The following PYM1 variants were observed in gnomAD, a reference collection of about 807,000 sequenced individuals.
PYM1 encodes PYM1 exon junction complex associated factor, also known as partner of Y14 and mago.
In PYM1, 7 loss-of-function variants were observed where a neutral mutation model predicts 20.7. The ratio of observed to expected loss-of-function variants is 0.34; its 90% CI spans 0.19 to 0.64. PYM1 has a LOEUF of 0.64. Among genes scored for constraint, PYM1 ranks in the 30% least tolerant of loss-of-function variants. PYM1 has a pLI of 0.74. For missense variants in PYM1, 194 were observed against 250.0 expected (o/e 0.78, Z 1.51); for synonymous variants, 100 against 99.2 (o/e 1.01, Z -0.05).
intron 1 of PYM1, among the ~76,000 whole-genome samples, chr12:55,905,481 C>T (rs1882779512): frequency 1.3e-5 from 2 of 150,698 alleles, no homozygotes; most frequent in South Asian, 4.2e-4. Context: ...GCGGGCGGAT[C>T]ATCTGAGGTC....
At chr12:55,927,435 G>C (rs1031491839) in intron 1 of PYM1, 1 of 706,952 alleles carries the variant, frequency 1.4e-6, no homozygotes, top group Admixed American at 2.1e-5. Flanking sequence ...GAGGGAAAAG[G>C]GCGCAAGGCC....
intron 1 of PYM1, among the ~76,000 whole-genome samples, chr12:55,926,506 C>G (rs1423496770): frequency 6.6e-6 from 1 of 152,170 alleles, no homozygotes; most frequent in Non-Finnish European, 1.5e-5. Context: ...AAGGGTGGCT[C>G]CATCAGGGAG....
rs80137443 is a variant in PYM1, at chr12:55,914,325, G to A, written c.38-10845C>T. On this transcript the variant is annotated intron_variant, in intron 1 of 2. Coordinates refer to ENST00000408946, the MANE Select transcript of PYM1 (RefSeq NM_032345.3). ...TCCTCTGGCCTTGATGGTATCCAAG[G>A]GTGAAGTCAAAAAGAAGGGAGAGGT... is the stretch of plus-strand genomic sequence containing the variant. 195 of 702,208 alleles carry A rather than the reference G, an allele frequency of 2.8e-4. 1 individual carries two copies. The African/African-American group carries it at 2.8e-3, about 10-fold the overall frequency. The allele number at this position is 702,208 out of a possible 1,614,324, so 43.5% of individuals were successfully genotyped here. A position where few individuals can be genotyped will look rare whatever the true frequency, so the allele number is the denominator to read the frequency against.
At chr12:55,926,305 C>A (rs1019411209) in intron 1 of PYM1, among the ~76,000 whole-genome samples, 1 of 152,214 alleles carries the variant, frequency 6.6e-6, no homozygotes, top group African/African-American at 2.4e-5. Context: ...CCAACACATA[C>A]ACCTTACATA....
intron 1 of PYM1, among the ~76,000 whole-genome samples, chr12:55,925,536 G>GA (rs1442660451): frequency 1.3e-5 from 2 of 151,984 alleles, no homozygotes; most frequent in Non-Finnish European, 2.9e-5. Context: ...ATGATAGCAA[G>GA]AAAAAAAGGA....
intron 1 of PYM1, among the ~76,000 whole-genome samples, chr12:55,916,574 G>A (rs968376740): frequency 2.0e-5 from 3 of 152,064 alleles, no homozygotes; most frequent in Admixed American, 1.3e-4. Flanking sequence ...GAGGCGGGCG[G>A]ATCACCTGAG....
chr12:55,915,921 G>A (rs1052110920), intron 1 of PYM1, among the ~76,000 whole-genome samples: 6 of 152,222 alleles, frequency 3.9e-5, no homozygotes, highest in Non-Finnish European at 8.8e-5. Flanking sequence ...GATTAGTAAA[G>A]AGTATTTATT....
intron 1 of PYM1, among the ~76,000 whole-genome samples, chr12:55,906,090 C>T (rs1882811513): frequency 1.3e-5 from 2 of 148,984 alleles, no homozygotes; most frequent in African/African-American, 4.9e-5. Context: ...ACTTTCACTT[C>T]CTTCATTTTC....
rs28885184 is a variant in PYM1 at position 55,905,921 on chromosome 12, T to A, written c.38-2441A>T. Among the ~76,000 whole-genome samples the A allele has an allele frequency of 1.2e-4, 12 of 103,154 alleles. 1 individual carries two copies. The highest frequency in any genetic ancestry group is 5.2e-3 in the Middle Eastern group (1 of 192). 67.7% of individuals were successfully genotyped at this position (103,154 alleles called of 152,430 possible). On this transcript the variant is annotated intron_variant, in intron 1 of 2. Transcript: ENST00000408946. Reference sequence around the variant, plus strand: ...ATATATCTAATAGATATATATATTATTATATATATCTAATAGATATATATA... The same window carrying A: ...ATATATCTAATAGATATATATATTAATATATATATCTAATAGATATATATA...
chr12:55,912,930 C>T (rs1194488150), intron 1 of PYM1, among the ~76,000 whole-genome samples: 1 of 151,820 alleles, frequency 6.6e-6, no homozygotes, highest in African/African-American at 2.4e-5. Flanking sequence ...CGCCATTGCA[C>T]TCCAGCCTGG....
intron 1 of PYM1, among the ~76,000 whole-genome samples, chr12:55,924,133 G>A (rs1035725461): frequency 2.6e-5 from 4 of 151,788 alleles, no homozygotes; most frequent in African/African-American, 4.8e-5. Context: ...CTAGAATAAT[G>A]GTGCCTTTAA....
intron 1 of PYM1, among the ~76,000 whole-genome samples, chr12:55,925,690 G>A (rs1883175633): frequency 6.6e-6 from 1 of 152,122 alleles, no homozygotes; most frequent in Non-Finnish European, 1.5e-5. Flanking sequence ...TCTGGACATA[G>A]TAAAGGAAAA....
At chr12:55,914,115 A>G (rs1882967526) in intron 1 of PYM1, 6 of 483,822 alleles carry the variant, frequency 1.2e-5, no homozygotes, top group African/African-American at 7.7e-5. Flanking sequence ...AAGGGACAAT[A>G]CTACAAACAT....
Position 55,927,843 on chromosome 12 carries a change from C to T in PYM1, c.-82G>A. ...CTGGGCGGCGCCGGGGATTCGGCGG[C>T]GAAGTGATGAGGGCCCTAGTTGCTT... is the stretch of plus-strand genomic sequence containing the variant. On this transcript the variant is annotated 5_prime_UTR_variant, in exon 1 of 3. Coordinates refer to ENST00000408946, the MANE Select transcript of PYM1 (RefSeq NM_032345.3). The T allele has an allele frequency of 6.7e-7, 1 of 1,501,418 alleles. No individual in the cohort carries two copies. The highest frequency in any genetic ancestry group is 8.9e-7 in the Non-Finnish European group (1 of 1,124,954). 93.0% of individuals were successfully genotyped at this position (1,501,418 alleles called of 1,614,324 possible).
intron 1 of PYM1, among the ~76,000 whole-genome samples, chr12:55,904,052 T>C (rs1347272254): frequency 6.6e-6 from 1 of 151,866 alleles, no homozygotes; most frequent in African/African-American, 2.4e-5. Context: ...CACCACAACC[T>C]CCACCTCCCA....
chr12:55,927,237 C>A (rs182229490), intron 1 of PYM1: 210 of 1,365,092 alleles, frequency 1.5e-4, no homozygotes, highest in Non-Finnish European at 2.0e-4. Context: ...ATTTCATGGG[C>A]GGAGGTGGAG....
chr12:55,923,416 A>G (rs938727792), intron 1 of PYM1, among the ~76,000 whole-genome samples: 3 of 151,834 alleles, frequency 2.0e-5, no homozygotes, highest in African/African-American at 7.3e-5. Context: ...AAATACAAAA[A>G]TTAGCCAGGC....
At chr12:55,927,178 G>A in intron 1 of PYM1, 1 of 1,549,782 alleles carries the variant, frequency 6.5e-7, no homozygotes, top group Non-Finnish European at 8.7e-7. Flanking sequence ...CGGAAGTGGA[G>A]TCCCGATCGT....
chr12:55,927,850 A>C lies in PYM1; in HGVS notation c.-89T>G. The C allele has an allele frequency of 6.7e-7, 1 of 1,488,416 alleles. No homozygotes were observed. The highest frequency in any genetic ancestry group is 9.0e-7 in the Non-Finnish European group (1 of 1,113,888). The allele number at this position is 1,488,416 out of a possible 1,614,324, so 92.2% of individuals were successfully genotyped here. A position where few individuals can be genotyped will look rare whatever the true frequency, so the allele number is the denominator to read the frequency against. ...GCGCCGGGGATTCGGCGGCGAAGTG[A>C]TGAGGGCCCTAGTTGCTTCTCGCCC... On this transcript the variant is annotated 5_prime_UTR_variant, in exon 1 of 3. Transcript: ENST00000408946.
Sources: allele counts gnomAD v4.1 joint callset (sites outside exome capture counted in the v4.1 genomes callset), GRCh38; gene constraint gnomAD v4.1.1; transcripts MANE v1.5; gene names NCBI Gene and HGNC (gene_info 2026-07-23, HGNC 2026-07-21).